MROH9: variants seen among roughly 807,000 people sequenced by gnomAD.
MROH9 encodes maestro heat-like repeat-containing protein family member 9.
MROH9 carries 92 observed loss-of-function variants against 98.2 expected under a neutral mutation model. The ratio of observed to expected loss-of-function variants is 0.94; its 90% CI spans 0.79 to 1.11. The LOEUF (loss-of-function observed/expected upper bound fraction) is 1.11, where lower values mean the gene tolerates loss of function less well. Among genes scored for constraint, MROH9 ranks in the 50% most tolerant of loss-of-function variants. The pLI, the probability that MROH9 is intolerant of heterozygous loss-of-function variation, is 0.00. For missense variants in MROH9, 1,057 were observed against 1,014.8 expected, an observed-to-expected ratio of 1.04 and a Z score of -0.57; for synonymous variants, 397 against 368.9, an observed-to-expected ratio of 1.08 and a Z score of -0.87.
chr1:170,961,274 A>T (rs1322101997), intron 5 of MROH9, among the ~76,000 whole-genome samples: 1 of 152,252 alleles, frequency 6.6e-6, no homozygotes, highest in African/African-American at 2.4e-5. Context: ...GATAATCTAT[A>T]AACAGCTAAG....
intron 7 of MROH9, among the ~76,000 whole-genome samples, chr1:170,966,532 C>T (rs1228068850): frequency 6.6e-6 from 1 of 152,202 alleles, no homozygotes; most frequent in Non-Finnish European, 1.5e-5. Flanking sequence ...CCATTTTCTA[C>T]TGCTTGTACA....
intron 20 of MROH9, among the ~76,000 whole-genome samples, chr1:171,027,517 A>T (rs1652757244): frequency 6.6e-6 from 1 of 152,168 alleles, no homozygotes. Context: ...ATAAACATAC[A>T]TGTGCACTTG....
chr1:170,986,824 A>AT, intron 10 of MROH9, 114 bp downstream of exon 10: 3 of 1,181,446 alleles, frequency 2.5e-6, no homozygotes, highest in African/African-American at 1.5e-5. Context: ...TGTTCATTAT[A>AT]TGACTTCAAT....
At chr1:170,938,985 G>A (rs1477848303) in intron 1 of MROH9, among the ~76,000 whole-genome samples, 1 of 152,222 alleles carries the variant, frequency 6.6e-6, no homozygotes, top group East Asian at 1.9e-4. Context: ...TTGCTCATGA[G>A]CCTATTGGGT....
intron 20 of MROH9, among the ~76,000 whole-genome samples, chr1:171,052,872 A>G (rs1239008941): frequency 6.6e-6 from 1 of 152,088 alleles, no homozygotes; most frequent in Admixed American, 6.5e-5. Flanking sequence ...GAGTGGAGGG[A>G]GCACTGCCAC....
Position 170,992,174 on chromosome 1 carries a change from C to G in MROH9, c.1039C>G (p.Gln347Glu). The change falls in exon 12 of 22, where the codon CAG (glutamine) becomes GAG (glutamate). Residue 347 changes from glutamine (Q) to glutamate (E), a missense_variant. By Grantham distance (29) the Gln-to-Glu change is conservative. Coordinates refer to ENST00000367759, the MANE Select transcript of MROH9 (RefSeq NM_001163629.2). ...YPVPADDTLI[Q>E]MWKAACSQAS... is the part of the protein sequence containing the mutation. ...GGGCTGTGTTTGCAGCACTCTGATA[C>G]AGATGTGGAAGGCGGCATGTTCTCA... 6.2e-7 allele frequency: 1 copy of G among 1,610,180 alleles called. No homozygotes were observed. Among genetic ancestry groups the G allele is most frequent in the Non-Finnish European group, 8.5e-7 (1 of 1,178,280 alleles).
intron 20 of MROH9, 113 bp from the exon 21 acceptor site, chr1:171,062,018 GA>G: frequency 1.5e-6 from 1 of 659,934 alleles, no homozygotes; most frequent in South Asian, 1.9e-5. Flanking sequence ...ATGACTCAAG[GA>G]TAATATAGAG....
intron 17 of MROH9, among the ~76,000 whole-genome samples, chr1:171,018,137 T>C (rs2204792): frequency 0.23 from 35,322 of 151,704 alleles, 6,568 homozygotes; most frequent in African/African-American, 0.52. Context: ...TATACAGGAG[T>C]GAGCCCACAG....
intron 20 of MROH9, among the ~76,000 whole-genome samples, chr1:171,061,495 T>C (rs183619034): frequency 3.9e-4 from 60 of 152,310 alleles, no homozygotes; most frequent in Middle Eastern, 6.8e-3. Context: ...TAAAAAATGA[T>C]GCATTCGTAA....
chr1:170,969,209 A>T (rs1221065573), intron 7 of MROH9, among the ~76,000 whole-genome samples: 1 of 152,182 alleles, frequency 6.6e-6, no homozygotes, highest in Non-Finnish European at 1.5e-5. Flanking sequence ...GAACAAATAA[A>T]ATCTAACACA....
chr1:171,039,673 A>G (rs1364473051), intron 20 of MROH9, among the ~76,000 whole-genome samples: 1 of 151,724 alleles, frequency 6.6e-6, no homozygotes, highest in Admixed American at 6.6e-5. Flanking sequence ...ACCACTAAAG[A>G]AAAAAAAGAA....
chr1:170,945,059 A>C (rs979729873), intron 1 of MROH9, among the ~76,000 whole-genome samples: 4 of 152,122 alleles, frequency 2.6e-5, no homozygotes, highest in Admixed American at 2.6e-4. Flanking sequence ...TGGAGACAGA[A>C]GTCAGAGATT....
Position 170,943,971 on chromosome 1 carries a change from A to C in MROH9, c.-37-1549A>C, listed in dbSNP as rs1649221914. On this transcript the variant is annotated intron_variant, in intron 1 of 21. Coordinates refer to ENST00000367759, the MANE Select transcript of MROH9 (RefSeq NM_001163629.2). The stretch of plus-strand genomic sequence containing the variant: ...GATTATTGTTACAGAACTGAATGTA[A>C]ATATTATACATCTTGAAAGTATAAA... Among the ~76,000 whole-genome samples, 4 of 152,084 alleles carry C rather than the reference A, an allele frequency of 2.6e-5. No homozygotes were observed. The South Asian group carries it at 6.2e-4, about 24-fold the overall frequency.
intron 17 of MROH9, among the ~76,000 whole-genome samples, chr1:171,020,250 C>T (rs1300880513): frequency 1.3e-5 from 2 of 152,172 alleles, no homozygotes; most frequent in African/African-American, 4.8e-5. Context: ...GGGACTTCTC[C>T]CTAATTCATT....
At chr1:170,938,898 G>T (rs1158148638) in intron 1 of MROH9, among the ~76,000 whole-genome samples, 1 of 152,224 alleles carries the variant, frequency 6.6e-6, no homozygotes, top group African/African-American at 2.4e-5. Context: ...AGTGGCCACA[G>T]CTAGGTTGTC....
chr1:170,955,056 T>TA (rs1649706071), intron 3 of MROH9, among the ~76,000 whole-genome samples: 1 of 152,136 alleles, frequency 6.6e-6, no homozygotes, highest in South Asian at 2.1e-4. Context: ...ACAGAGAACA[T>TA]ACGGTGTTTG....
rs750683299 is a variant in MROH9, at chr1:170,997,483, G to GA, written c.1476-669dup. The stretch of plus-strand genomic sequence containing the variant: ...TCTCATGGCCCACCTCAGACCTACT[G>GA]AATCAGAATCTGCATTTTAGCAATA... On this transcript the variant is annotated intron_variant, in intron 14 of 21. Transcript: ENST00000367759. 1.5e-4 allele frequency among the ~76,000 whole-genome samples: 23 copies of GA among 152,272 alleles called. No homozygotes were observed. In the Middle Eastern group the frequency reaches 0.01, roughly 68 times the overall value.
At chr1:171,050,494 A>T (rs1246706941) in intron 20 of MROH9, among the ~76,000 whole-genome samples, 5 of 152,300 alleles carry the variant, frequency 3.3e-5, no homozygotes, top group Admixed American at 1.3e-4. Context: ...TTGTTGGTGT[A>T]TGAAAATGCT....
chr1:171,041,168 T>C (rs562814362), intron 20 of MROH9, among the ~76,000 whole-genome samples: 1 of 151,934 alleles, frequency 6.6e-6, no homozygotes, highest in African/African-American at 2.4e-5. Context: ...CAGCATCTAT[T>C]ATTCCACTCT....
Sources: gnomAD v4.1 joint callset for allele counts (sites outside exome capture counted in the v4.1 genomes callset) on GRCh38, gnomAD v4.1.1 for gene constraint, MANE v1.5 for transcripts, NCBI Gene and HGNC (gene_info 2026-07-23, HGNC 2026-07-21) for gene names.